Variants in IGSF21 observed in about 807,000 individuals in gnomAD.
IGSF21 encodes immunoglobulin superfamily member 21.
Under a neutral mutation model 46.8 loss-of-function variants are expected in IGSF21, and 28 were observed. That is an observed-to-expected ratio of 0.60 (90% CI 0.44 to 0.82). IGSF21 has a LOEUF of 0.82. Ranked by LOEUF, IGSF21 falls within the 40% of genes least tolerant of loss-of-function variation. The pLI, the probability that IGSF21 is intolerant of heterozygous loss-of-function variation, is 0.00. For synonymous variants in IGSF21, 284 were observed against 273.6 expected (o/e 1.04, Z -0.38); for missense variants, 624 against 665.5 (o/e 0.94, Z 0.69).
intron 5 of IGSF21, among the ~76,000 whole-genome samples, chr1:18,364,843 G>A (rs12126233): frequency 0.13 from 20,279 of 152,130 alleles, 1,489 homozygotes; most frequent in East Asian, 0.19. Context: ...ACACCCTTGG[G>A]CCCCAGGTGG....
At chr1:18,220,157 T>C (rs2084494193) in intron 1 of IGSF21, among the ~76,000 whole-genome samples, 1 of 152,214 alleles carries the variant, frequency 6.6e-6, no homozygotes, top group Admixed American at 6.5e-5. Flanking sequence ...TTGTCTGCCT[T>C]ACAGTCTCTC....
At chr1:18,188,137 T>G (rs1282185479) in intron 1 of IGSF21, among the ~76,000 whole-genome samples, 1 of 152,154 alleles carries the variant, frequency 6.6e-6, no homozygotes, top group African/African-American at 2.4e-5. Flanking sequence ...GTAGCAAAGT[T>G]GTGGCTTGCT....
intron 1 of IGSF21, among the ~76,000 whole-genome samples, chr1:18,218,402 A>G (rs964382803): frequency 1.3e-5 from 2 of 152,240 alleles, no homozygotes; most frequent in Non-Finnish European, 2.9e-5. Context: ...TGGAGACCAC[A>G]GAGCCAAATC....
At chr1:18,260,259 G>T (rs2124535690) in intron 2 of IGSF21, among the ~76,000 whole-genome samples, 1 of 152,378 alleles carries the variant, frequency 6.6e-6, no homozygotes, top group East Asian at 1.9e-4. Flanking sequence ...GCAGGTGGCT[G>T]GTCCAGGGGC....
At position 18,365,277 on chromosome 1, in the gene IGSF21, C is replaced by T. The variant is rs1394469276; in HGVS notation, c.595C>T (p.Pro199Ser). 1.1e-5 allele frequency: 17 copies of T among 1,613,768 alleles called. No homozygotes were observed. Among genetic ancestry groups the T allele is most frequent in the Non-Finnish European group, 1.4e-5 (17 of 1,179,782 alleles). Residue 199 changes from proline to serine, a missense_variant, in exon 6 of 10, where the codon CCA becomes TCA. Coordinates refer to ENST00000251296, the MANE Select transcript of IGSF21 (RefSeq NM_032880.5). This position sits in a 1 kb window ranked among gnomAD's most constrained non-coding sequence, Gnocchi z 4.8. ...PIDAVPLSEP[P>S]AASSGPLQDS... Reference sequence around the variant, plus strand: ...CGACGCAGTGCCCCTATCAGAGCCACCAGCTGCGAGCTCCGGCCCCCTACA... The same window carrying T: ...CGACGCAGTGCCCCTATCAGAGCCATCAGCTGCGAGCTCCGGCCCCCTACA...
At chr1:18,201,491 A>G (rs1395586429) in intron 1 of IGSF21, among the ~76,000 whole-genome samples, 1 of 152,182 alleles carries the variant, frequency 6.6e-6, no homozygotes, top group African/African-American at 2.4e-5. Context: ...GTGGAAGTCT[A>G]TCATCCAGAA....
chr1:18,306,768 C>T (rs2124581113), intron 3 of IGSF21, among the ~76,000 whole-genome samples: 1 of 152,324 alleles, frequency 6.6e-6, no homozygotes. Flanking sequence ...CACAATGTGT[C>T]TGAGCCTCAG....
chr1:18,246,273 G>GC (rs781247905), intron 2 of IGSF21, among the ~76,000 whole-genome samples: 162 of 152,074 alleles, frequency 1.1e-3, no homozygotes, highest in Non-Finnish European at 1.4e-3. Context: ...TGCCCAGTGG[G>GC]CCCCCCTCAC....
At chr1:18,336,478 AC>A (rs2085767417) in intron 4 of IGSF21, among the ~76,000 whole-genome samples, 1 of 152,220 alleles carries the variant, frequency 6.6e-6, no homozygotes, top group Admixed American at 6.5e-5. Flanking sequence ...CTAAAGTCAC[AC>A]AGCCAAGATC....
chr1:18,329,991 G>A (rs769758834), intron 3 of IGSF21, among the ~76,000 whole-genome samples: 9 of 152,288 alleles, frequency 5.9e-5, no homozygotes, highest in Middle Eastern at 3.4e-3. Flanking sequence ...AACTCCAGCC[G>A]CTAAACTGCA....
intron 1 of IGSF21, among the ~76,000 whole-genome samples, chr1:18,146,501 C>T (rs977545861): frequency 2.0e-5 from 3 of 152,118 alleles, no homozygotes; most frequent in East Asian, 1.9e-4. Context: ...ACTGCTCCAA[C>T]GCAGGGAGGG....
At chr1:18,130,519 A>C (rs2086309252) in intron 1 of IGSF21, among the ~76,000 whole-genome samples, 1 of 152,104 alleles carries the variant, frequency 6.6e-6, no homozygotes, top group South Asian at 2.1e-4. Context: ...TCAGTTGTCC[A>C]CTGTATCATG....
intron 4 of IGSF21, among the ~76,000 whole-genome samples, chr1:18,359,444 G>GAGAA (rs1195333033): frequency 1.5e-4 from 15 of 98,592 alleles, no homozygotes; most frequent in African/African-American, 6.0e-4. Flanking sequence ...GGAAGGAAAA[G>GAGAA]AGAAAGAAAG....
intron 6 of IGSF21, among the ~76,000 whole-genome samples, chr1:18,375,436 A>G (rs2086270806): frequency 6.6e-6 from 1 of 152,188 alleles, no homozygotes; most frequent in African/African-American, 2.4e-5. Flanking sequence ...GTCAGCTGAA[A>G]TGAAGGGAAC....
intron 3 of IGSF21, among the ~76,000 whole-genome samples, chr1:18,331,495 T>A (rs2085713107): frequency 1.3e-5 from 2 of 152,262 alleles, no homozygotes; most frequent in Non-Finnish European, 2.9e-5. Flanking sequence ...CACAGTTTTT[T>A]AATCCACTCA....
intron 2 of IGSF21, among the ~76,000 whole-genome samples, chr1:18,248,988 A>G (rs1379448557): frequency 1.3e-5 from 2 of 152,124 alleles, no homozygotes; most frequent in African/African-American, 2.4e-5. Context: ...AGTAGAACCT[A>G]GCTGGGAGCC....
intron 1 of IGSF21, among the ~76,000 whole-genome samples, chr1:18,225,081 T>TCACACA (rs1254329422): frequency 2.9e-4 from 9 of 31,218 alleles, no homozygotes; most frequent in African/African-American, 4.6e-4. Context: ...TCTCTCTCTC[T>TCACACA]CTCTCACACA....
intron 1 of IGSF21, among the ~76,000 whole-genome samples, chr1:18,166,275 T>C (rs780839444): frequency 5.3e-5 from 8 of 152,190 alleles, no homozygotes; most frequent in Non-Finnish European, 1.0e-4. Context: ...AGTCTCCAAA[T>C]TTGAATATCT....
At chr1:18,162,679 T>G (rs1007464051) in intron 1 of IGSF21, among the ~76,000 whole-genome samples, 6 of 152,222 alleles carry the variant, frequency 3.9e-5, no homozygotes, top group African/African-American at 1.4e-4. Context: ...TTAAGATTGG[T>G]TAATTGGGAT....
Sources: allele counts gnomAD v4.1 joint callset (sites outside exome capture counted in the v4.1 genomes callset), GRCh38; gene constraint gnomAD v4.1.1; non-coding constraint Gnocchi (gnomAD v3.1); transcripts MANE v1.5; gene names NCBI Gene and HGNC (gene_info 2026-07-23, HGNC 2026-07-21).